Variants in GRM8 observed in about 807,000 individuals in gnomAD.
GRM8 encodes metabotropic glutamate receptor 8.
In GRM8, 47 loss-of-function variants were observed where a neutral mutation model predicts 87.2. The observed-to-expected ratio is 0.54, with a 90% confidence interval of 0.43 to 0.69. The LOEUF (loss-of-function observed/expected upper bound fraction) is 0.69. GRM8 is among the 30% of genes least tolerant of loss of function. GRM8 has a pLI of 0.00. For missense variants in GRM8, 1,019 were observed against 1,139.2 expected, an observed-to-expected ratio of 0.89 and a Z score of 1.52; for synonymous variants, 396 against 404.5, an observed-to-expected ratio of 0.98 and a Z score of 0.25.
chr7:127,242,701 A>G lies in GRM8; in HGVS notation c.504T>C (p.Leu168=), dbSNP rs2116880512. 6.2e-7 allele frequency: 1 copy of G among 1,613,356 alleles called. No homozygotes were observed. Among genetic ancestry groups the G allele is most frequent in the African/African-American group, 1.3e-5 (1 of 74,978 alleles). ...VSIMVANILR[L]FKIPQISYAS... ...AGACAATGCCTTTACCTACCTTAAA[A>G]AGTCTTAAAATGTTAGCAACCATGA... The change falls in exon 2 of 11, where the codon CTT becomes CTC. Residue 168 remains leucine (L), a synonymous_variant. Transcript: ENST00000339582.
At chr7:126,682,868 G>C (rs954842083) in intron 7 of GRM8, among the ~76,000 whole-genome samples, 2 of 152,132 alleles carry the variant, frequency 1.3e-5, no homozygotes, top group Non-Finnish European at 1.5e-5. Flanking sequence ...GGCCAATATG[G>C]TGAAACCCTG....
intron 6 of GRM8, among the ~76,000 whole-genome samples, chr7:126,836,128 A>G (rs1290844023): frequency 1.3e-5 from 2 of 152,214 alleles, no homozygotes; most frequent in Non-Finnish European, 2.9e-5. Context: ...ACATTACTGA[A>G]GCTCACAGAG....
At chr7:126,532,343 G>A (rs951601962) in intron 9 of GRM8, among the ~76,000 whole-genome samples, 12 of 152,246 alleles carry the variant, frequency 7.9e-5, no homozygotes, top group African/African-American at 2.6e-4. Flanking sequence ...AACAAGAATG[G>A]GGACTGAGAA....
chr7:126,965,434 T>C lies in GRM8; in HGVS notation c.728-60751A>G, dbSNP rs540338855. Among the ~76,000 whole-genome samples, 4 of 152,278 alleles carry C rather than the reference T, an allele frequency of 2.6e-5. No individual in the cohort carries two copies. In the East Asian group the frequency reaches 7.7e-4, roughly 29 times the overall value. On this transcript the variant is annotated intron_variant, in intron 3 of 10. Coordinates refer to ENST00000339582, the MANE Select transcript of GRM8 (RefSeq NM_000845.3). ...CACTGTCCCCTCCATTAAAAATATATCTAGACTAGTGTTCTGCAATAGCAA... is the reference window on the plus strand; with the variant it reads ...CACTGTCCCCTCCATTAAAAATATACCTAGACTAGTGTTCTGCAATAGCAA...
intron 2 of GRM8, among the ~76,000 whole-genome samples, chr7:127,115,305 C>T (rs1344145748): frequency 1.3e-5 from 2 of 152,088 alleles, no homozygotes; most frequent in Non-Finnish European, 2.9e-5. Context: ...GCTCACTGGA[C>T]ATGTGAACTA....
intron 9 of GRM8, among the ~76,000 whole-genome samples, chr7:126,482,837 A>C (rs1478919497): frequency 6.6e-6 from 1 of 151,892 alleles, no homozygotes; most frequent in Non-Finnish European, 1.5e-5. Flanking sequence ...AAAATAGAAA[A>C]AAATTTTAAA....
At chr7:127,087,346 C>A (rs888949649) in intron 3 of GRM8, among the ~76,000 whole-genome samples, 1 of 152,118 alleles carries the variant, frequency 6.6e-6, no homozygotes, top group South Asian at 2.1e-4. Context: ...GAATAGAGAA[C>A]GAAGAGTATG....
intron 10 of GRM8, among the ~76,000 whole-genome samples, chr7:126,444,868 G>A (rs548500389): frequency 2.6e-5 from 4 of 152,050 alleles, no homozygotes; most frequent in South Asian, 2.1e-4. Flanking sequence ...ATGCCTGACC[G>A]GGTGTGGTAA....
intron 3 of GRM8, among the ~76,000 whole-genome samples, chr7:127,050,401 G>A (rs1819348973): frequency 6.6e-6 from 1 of 152,200 alleles, no homozygotes; most frequent in African/African-American, 2.4e-5. Context: ...TTTCAAGTGT[G>A]TTTTAGAGGT....
intron 6 of GRM8, among the ~76,000 whole-genome samples, chr7:126,840,751 G>A (rs369916695): frequency 1.6e-4 from 25 of 151,896 alleles, no homozygotes; most frequent in African/African-American, 3.4e-4. Context: ...ACTTACTTTC[G>A]AAAGAAAGAT....
intron 3 of GRM8, among the ~76,000 whole-genome samples, chr7:127,005,119 CTT>C (rs10531563): frequency 0.35 from 47,311 of 136,082 alleles, 8,382 homozygotes; most frequent in African/African-American, 0.48. Flanking sequence ...CTGCTAGGAA[CTT>C]TTTTTTTTTT....
chr7:127,091,427 G>T (rs1377128035), intron 3 of GRM8, among the ~76,000 whole-genome samples: 23 of 42,676 alleles, frequency 5.4e-4, no homozygotes, highest in African/African-American at 2.6e-3. Flanking sequence ...CTGATGACTG[G>T]TCATCCCCCC....
chr7:127,192,008 T>C (rs1795054042), intron 2 of GRM8, among the ~76,000 whole-genome samples: 1 of 152,156 alleles, frequency 6.6e-6, no homozygotes, highest in African/African-American at 2.4e-5. Flanking sequence ...TATGTTTCAA[T>C]TTGTGGTAGC....
At chr7:126,575,636 C>A (rs927682778) in intron 8 of GRM8, among the ~76,000 whole-genome samples, 2 of 151,946 alleles carry the variant, frequency 1.3e-5, no homozygotes, top group Non-Finnish European at 2.9e-5. Flanking sequence ...AAAAATTTAA[C>A]CAAACCAACA....
At chr7:126,753,401 G>T (rs1310462627) in intron 7 of GRM8, among the ~76,000 whole-genome samples, 3 of 129,368 alleles carry the variant, frequency 2.3e-5, no homozygotes, top group Non-Finnish European at 3.5e-5. Context: ...TATATATATA[G>T]ATAGATAGAC....
At chr7:126,558,781 A>G (rs1212024413) in intron 8 of GRM8, among the ~76,000 whole-genome samples, 2 of 152,152 alleles carry the variant, frequency 1.3e-5, no homozygotes, top group East Asian at 1.9e-4. Flanking sequence ...TGCAGATACC[A>G]AGGGCTGACT....
At chr7:126,615,890 C>T (rs1243409534) in intron 7 of GRM8, among the ~76,000 whole-genome samples, 1 of 152,118 alleles carries the variant, frequency 6.6e-6, no homozygotes, top group Non-Finnish European at 1.5e-5. Context: ...ACTTAGAGAC[C>T]TACAAAGAGA....
intron 7 of GRM8, among the ~76,000 whole-genome samples, chr7:126,675,309 T>C (rs1380108280): frequency 1.3e-5 from 2 of 152,076 alleles, no homozygotes; most frequent in African/African-American, 2.4e-5. Flanking sequence ...AATTCTACCA[T>C]ATATTCAAAA....
intron 6 of GRM8, among the ~76,000 whole-genome samples, chr7:126,879,219 G>A (rs1799814339): frequency 1.3e-5 from 2 of 151,706 alleles, no homozygotes; most frequent in Admixed American, 6.6e-5. Flanking sequence ...AACATGATGA[G>A]GCTTAATGGT....
Sources: allele counts gnomAD v4.1 joint callset (sites outside exome capture counted in the v4.1 genomes callset), GRCh38; gene constraint gnomAD v4.1.1; transcripts MANE v1.5; gene names NCBI Gene and HGNC (gene_info 2026-07-23, HGNC 2026-07-21).